The following PLCE1 variants were observed in gnomAD, a reference collection of about 807,000 sequenced individuals.
The protein encoded by PLCE1 is 1-phosphatidylinositol 4,5-bisphosphate phosphodiesterase epsilon-1.
In PLCE1, 119 loss-of-function variants were observed where a neutral mutation model predicts 242.8. The observed-to-expected ratio is 0.49, with a 90% confidence interval of 0.42 to 0.57. The LOEUF (loss-of-function observed/expected upper bound fraction) is 0.57. Among genes scored for constraint, PLCE1 ranks in the 20% least tolerant of loss-of-function variants. The pLI, the probability that PLCE1 is intolerant of heterozygous loss-of-function variation, is 0.00. For missense variants in PLCE1, 2,441 were observed against 2,788.8 expected (o/e 0.88, Z 2.81); for synonymous variants, 945 against 1,017.4 (o/e 0.93, Z 1.35).
intron 1 of PLCE1, among the ~76,000 whole-genome samples, chr10:94,013,871 G>T (rs2061221260): frequency 6.6e-6 from 1 of 151,100 alleles, no homozygotes; most frequent in South Asian, 2.1e-4. Flanking sequence ...ATCCCTGGGG[G>T]GGCTAACATT....
chr10:94,022,186 T>C (rs2134384426), intron 1 of PLCE1, among the ~76,000 whole-genome samples: 1 of 152,126 alleles, frequency 6.6e-6, no homozygotes, highest in Middle Eastern at 4.0e-3. Context: ...AATAATTGAA[T>C]TTAACAAGGT....
At chr10:94,109,285 T>C (rs796724369) in intron 2 of PLCE1, 8 of 152,306 alleles carry the variant, frequency 5.3e-5, no homozygotes, top group African/African-American at 1.9e-4. Context: ...TGTTTCAAAA[T>C]GTTCTGGACT....
chr10:94,156,805 A>G (rs1302696553), intron 3 of PLCE1, among the ~76,000 whole-genome samples: 2 of 152,164 alleles, frequency 1.3e-5, no homozygotes, highest in Admixed American at 1.3e-4. Context: ...TTACCTCATT[A>G]GAACAAAAGA....
intron 4 of PLCE1, among the ~76,000 whole-genome samples, chr10:94,172,897 C>T (rs145698690): frequency 5.6e-4 from 85 of 152,284 alleles, no homozygotes; most frequent in African/African-American, 1.9e-3. Flanking sequence ...AATCAAAATC[C>T]TGATGATGGT....
At chr10:93,996,708 C>T (rs1314723271) in intron 1 of PLCE1, among the ~76,000 whole-genome samples, 4 of 152,168 alleles carry the variant, frequency 2.6e-5, no homozygotes, top group African/African-American at 7.2e-5. Context: ...AATAGATTTT[C>T]GTGGGCCAGA....
chr10:94,108,510 A>T (rs2045836753), intron 2 of PLCE1: 1 of 152,284 alleles, frequency 6.6e-6, no homozygotes, highest in African/African-American at 2.4e-5. Flanking sequence ...AACAACTTCT[A>T]CTAATCAGGC....
chr10:94,018,232 A>ATG (rs2061314644), intron 1 of PLCE1, among the ~76,000 whole-genome samples: 1 of 152,152 alleles, frequency 6.6e-6, no homozygotes, highest in Non-Finnish European at 1.5e-5. Context: ...TGATGCATGG[A>ATG]TGTGTCATGC....
intron 23 of PLCE1, among the ~76,000 whole-genome samples, chr10:94,296,365 CAAAA>C (rs35526010): frequency 2.2e-5 from 2 of 89,306 alleles, no homozygotes; most frequent in Admixed American, 1.3e-4. Context: ...GACTCCATCT[CAAAA>C]AAAAAAAAAA....
intron 14 of PLCE1, among the ~76,000 whole-genome samples, chr10:94,264,512 ATTTTTTTTTTTTTTT>A (rs59860171): frequency 1.4e-5 from 1 of 73,082 alleles, no homozygotes; most frequent in Admixed American, 1.7e-4. Flanking sequence ...ACATGATTTG[ATTTTTTTTTTTTTTT>A]TTTTTTTTTT....
chr10:94,101,546 G>C (rs1252059109), intron 2 of PLCE1, among the ~76,000 whole-genome samples: 1 of 152,206 alleles, frequency 6.6e-6, no homozygotes, highest in Non-Finnish European at 1.5e-5. Flanking sequence ...GAGACGTGAG[G>C]AAGAGGAGAA....
At chr10:94,034,223 A>G (rs138191736) in intron 2 of PLCE1, among the ~76,000 whole-genome samples, 233 of 152,304 alleles carry the variant, frequency 1.5e-3, no homozygotes, top group African/African-American at 5.2e-3. Flanking sequence ...CCTGCCCTTG[A>G]CACATGGAGA....
chr10:94,298,684 T>G lies in PLCE1; in HGVS notation c.5458+15T>G, dbSNP rs751504951. ...CCAGACTGATGGTAAGGGGCCTGCATGCTCACCTCGCTCCTTTGCATCTTA... is the reference window on the plus strand; with the variant it reads ...CCAGACTGATGGTAAGGGGCCTGCAGGCTCACCTCGCTCCTTTGCATCTTA... On this transcript the variant is annotated intron_variant, in intron 24 of 32. Coordinates refer to ENST00000371380, the MANE Select transcript of PLCE1 (RefSeq NM_016341.4). The surrounding 1 kb of genome is among the most constrained non-coding windows in gnomAD (Gnocchi z 5.2). 3.1e-6 allele frequency: 5 copies of G among 1,613,686 alleles called. No homozygotes were observed. Among genetic ancestry groups the G allele is most frequent in the Admixed American group, 1.7e-5 (1 of 60,008 alleles).
At chr10:94,063,657 G>A (rs1319359781) in intron 2 of PLCE1, among the ~76,000 whole-genome samples, 1 of 152,226 alleles carries the variant, frequency 6.6e-6, no homozygotes, top group African/African-American at 2.4e-5. Context: ...CAAACACGAT[G>A]TGGTTCTTCT....
At chr10:94,246,983 A>C (rs1444182676) in intron 8 of PLCE1, among the ~76,000 whole-genome samples, 1 of 151,874 alleles carries the variant, frequency 6.6e-6, no homozygotes, top group East Asian at 1.9e-4. Flanking sequence ...ATGGTGGCAC[A>C]TGCCTGTAAT....
intron 1 of PLCE1, among the ~76,000 whole-genome samples, chr10:94,022,887 A>C (rs965962130): frequency 6.6e-6 from 1 of 152,140 alleles, no homozygotes; most frequent in Non-Finnish European, 1.5e-5. Flanking sequence ...AAGGAAAGGA[A>C]AGGGTCAAAT....
chr10:94,150,989 C>A (rs1294791658), intron 3 of PLCE1, among the ~76,000 whole-genome samples: 2 of 152,212 alleles, frequency 1.3e-5, no homozygotes, highest in Non-Finnish European at 2.9e-5. Context: ...GGGGCCAACA[C>A]CTCCTTCGTC....
At chr10:94,206,242 G>C (rs2049155031) in intron 4 of PLCE1, among the ~76,000 whole-genome samples, 1 of 152,140 alleles carries the variant, frequency 6.6e-6, no homozygotes, top group Non-Finnish European at 1.5e-5. Flanking sequence ...CAGGTAGAGG[G>C]AACCATAAGT....
rs757831852 is a variant in PLCE1 at position 94,262,517 on chromosome 10, G to A, written c.3838G>A (p.Asp1280Asn). 6.2e-7 allele frequency: 1 copy of A among 1,613,302 alleles called. No individual in the cohort carries two copies. Among genetic ancestry groups the A allele is most frequent in the South Asian group, 1.1e-5 (1 of 91,054 alleles). The change falls in exon 14 of 33, where the codon GAT (aspartate) becomes AAT (asparagine). Residue 1280 changes from aspartate (D) to asparagine (N), a missense_variant. Transcript: ENST00000371380. ...DLDLLTRNVSDLGLFIKSKQQ... is the reference protein window; with the variant it reads ...DLDLLTRNVSNLGLFIKSKQQ... Reference sequence around the variant, plus strand: ...AGATCTGTTGACCAGAAATGTCTCGGATTTGGGGTTGTTCATTAAGAGTAA... The same window carrying A: ...AGATCTGTTGACCAGAAATGTCTCGAATTTGGGGTTGTTCATTAAGAGTAA...
chr10:94,186,573 T>C (rs556864338), intron 4 of PLCE1, among the ~76,000 whole-genome samples: 1 of 152,232 alleles, frequency 6.6e-6, no homozygotes, highest in Admixed American at 6.5e-5. Flanking sequence ...AAATTGTTGG[T>C]AAAAATGTCA....
Sources: allele counts gnomAD v4.1 joint callset (sites outside exome capture counted in the v4.1 genomes callset), GRCh38; gene constraint gnomAD v4.1.1; non-coding constraint Gnocchi (gnomAD v3.1); transcripts MANE v1.5; gene names NCBI Gene and HGNC (gene_info 2026-07-23, HGNC 2026-07-21).